Variants in PICK1 observed in about 807,000 individuals in gnomAD.
PICK1 encodes protein interacting with PRKCA 1, also known as PRKCA-binding protein.
A neutral mutation model predicts 48.9 loss-of-function variants in PICK1; 23 were observed. The observed-to-expected ratio is 0.47, with a 90% CI of 0.34 to 0.67. The LOEUF is 0.67. Ranked by LOEUF, PICK1 falls within the 30% of genes least tolerant of loss-of-function variation. The probability of loss-of-function intolerance (pLI) is 0.01; values close to 1 mark genes in which losing one functional copy is unlikely to be tolerated. For missense variants in PICK1, 423 were observed against 557.1 expected (o/e 0.76, Z 2.42); for synonymous variants, 217 against 228.2 (o/e 0.95, Z 0.44).
chr22:38,058,429 C>G (rs1374796595), intron 2 of PICK1, among the ~76,000 whole-genome samples: 1 of 152,018 alleles, frequency 6.6e-6, no homozygotes, highest in Non-Finnish European at 1.5e-5. Context: ...GGTAATCGAG[C>G]AGTTGAGAGG....
In PICK1 at chr22:38,075,105, C is replaced by G; in HGVS notation, c.1221C>G (p.Asp407Glu). The G allele has an allele frequency of 6.2e-7, 1 of 1,612,250 alleles. No homozygotes were observed. Among genetic ancestry groups the G allele is most frequent in the East Asian group, 2.2e-5 (1 of 44,828 alleles). ...RDTRGAAGPL[D>E]KGGSWCDS The stretch of plus-strand genomic sequence containing the variant: ...CACGAGGGGCTGCTGGGCCCTTGGA[C>G]AAGGGTGGAAGCTGGTGTGACTCCT... The change falls in exon 13 of 13, where the codon GAC becomes GAG. Residue 407 changes from aspartate (D) to glutamate (E), a missense_variant. By Grantham distance (45) the Asp-to-Glu change is conservative. Transcript: ENST00000356976.
At chr22:38,068,940 T>C in intron 5 of PICK1, 93 bp from the exon 6 acceptor site, 1 of 1,031,086 alleles carries the variant, frequency 9.7e-7, no homozygotes, top group Non-Finnish European at 1.5e-6. Flanking sequence ...TTCTGCCCCC[T>C]GTGGGGTGCT....
chr22:38,066,615 G>T lies in PICK1; in HGVS notation c.283-1089G>T, dbSNP rs372441076. ...CGACTCCCACTGCAGCCCGCTTGCC[G>T]TTGGCCTACAGCTGCTCCCTGTGGG... is the stretch of plus-strand genomic sequence containing the variant. On this transcript the variant is annotated intron_variant, in intron 4 of 12. Transcript: ENST00000356976. This position sits in a 1 kb window ranked among gnomAD's most constrained non-coding sequence, Gnocchi z 4.1. Among the ~76,000 whole-genome samples the T allele has an allele frequency of 1.8e-4, 27 of 152,334 alleles. No homozygotes were observed. Among genetic ancestry groups the T allele is most frequent in the South Asian group, 6.2e-4 (3 of 4,830 alleles).
Position 38,074,419 on chromosome 22 carries a change from T to G in PICK1, c.947T>G (p.Leu316Arg), listed in dbSNP as rs767542796. 1 of 1,613,136 alleles carries G rather than the reference T, an allele frequency of 6.2e-7. No homozygotes were observed. The highest frequency in any genetic ancestry group is 1.3e-5 in the African/African-American group (1 of 75,020). Reference sequence around the variant, plus strand: ...TTCTCCCAGATGCGCAAGGATGTGCTGGAGAAGATGGAGCTGCTGGACCAG... The same window carrying G: ...TTCTCCCAGATGCGCAAGGATGTGCGGGAGAAGATGGAGCTGCTGGACCAG... ...ARFSQMRKDV[L>R]EKMELLDQKH... The change falls in exon 12 of 13, where the codon CTG becomes CGG. Residue 316 changes from leucine (L) to arginine (R), a missense_variant. Physicochemically the swap from Leu to Arg is moderately radical, Grantham distance 102 (BLOSUM62 -2). Transcript: ENST00000356976. This position sits in a 1 kb window ranked among gnomAD's most constrained non-coding sequence, Gnocchi z 4.5.
intron 3 of PICK1, among the ~76,000 whole-genome samples, chr22:38,063,025 G>A (rs1474993906): frequency 6.6e-6 from 1 of 152,138 alleles, no homozygotes; most frequent in South Asian, 2.1e-4. Context: ...TTTGTTTATT[G>A]TGCCAGATCC....
In PICK1 at chr22:38,073,651, C is replaced by G. The variant is rs951342778; in HGVS notation, c.784-122C>G. 4 of 915,424 alleles carry G rather than the reference C, an allele frequency of 4.4e-6. No individual in the cohort carries two copies. Among genetic ancestry groups the G allele is most frequent in the African/African-American group, 1.6e-5 (1 of 61,672 alleles). The allele number at this position is 915,424 out of a possible 1,614,324, so 56.7% of individuals were successfully genotyped here. On this transcript the variant is annotated intron_variant, in intron 10 of 12. Transcript: ENST00000356976. The surrounding 1 kb of genome is among the most constrained non-coding windows in gnomAD (Gnocchi z 5.7). The stretch of plus-strand genomic sequence containing the variant: ...TCATCCCTCAGCACCTGCCGCTGCC[C>G]GCTCTGGGACTCCCTGAACACCTGC...
intron 3 of PICK1, among the ~76,000 whole-genome samples, chr22:38,059,856 A>G (rs1324353550): frequency 6.6e-6 from 1 of 152,228 alleles, no homozygotes; most frequent in Non-Finnish European, 1.5e-5. Flanking sequence ...TAAAACATGT[A>G]GACACAATCA....
chr22:38,072,981 TCCAC>T lies in PICK1; in HGVS notation c.691-12_691-9del. 2 of 1,573,392 alleles carry T rather than the reference TCCAC, an allele frequency of 1.3e-6. No homozygotes were observed. The highest frequency in any genetic ancestry group is 1.7e-6 in the Non-Finnish European group (2 of 1,143,142). ...CACCCCTGCCGTGACAGCCTCAGCATCCACCCACCCTCTTCCAGATGCTGACGGA... is the reference window on the plus strand; with the variant it reads ...CACCCCTGCCGTGACAGCCTCAGCATCCACCCTCTTCCAGATGCTGACGGA... On this transcript the variant is annotated splice_polypyrimidine_tract_variant and intron_variant, in intron 9 of 12. Transcript: ENST00000356976.
intron 6 of PICK1, among the ~76,000 whole-genome samples, chr22:38,069,362 T>C (rs556131700): frequency 9.9e-5 from 15 of 152,096 alleles, no homozygotes; most frequent in African/African-American, 3.4e-4. Flanking sequence ...GATGGGAAAA[T>C]AGACTTAGTG....
At chr22:38,064,916 C>G in intron 3 of PICK1, 86 bp from the exon 4 acceptor site, 1 of 1,505,730 alleles carries the variant, frequency 6.6e-7, no homozygotes. Flanking sequence ...GAGTGGAAGA[C>G]AGAGCCAGGC....
upstream of PICK1, chr22:38,057,271 T>G (rs1347649446): frequency 5.6e-6 from 1 of 177,366 alleles, no homozygotes; most frequent in Non-Finnish European, 1.2e-5. Flanking sequence ...ACAGCGAGCT[T>G]CCGCCAATAC....
Position 38,073,223 on chromosome 22 carries a change from A to C in PICK1, c.783+131A>C, listed in dbSNP as rs2085746283. On this transcript the variant is annotated intron_variant, in intron 10 of 12. Transcript: ENST00000356976. This position sits in a 1 kb window ranked among gnomAD's most constrained non-coding sequence, Gnocchi z 5.7. ...GCATGTCTGCTCCAGGTGTGGGCCC[A>C]GAGGCCCAGGGAGGTGCAGCCAAAG... 5.5e-6 allele frequency: 4 copies of C among 732,386 alleles called. No homozygotes were observed. Among genetic ancestry groups the C allele is most frequent in the Non-Finnish European group, 9.9e-6 (4 of 402,996 alleles). 45.4% of individuals were successfully genotyped at this position (732,386 alleles called of 1,614,324 possible).
In PICK1 at chr22:38,075,459, G is replaced by C. The variant is rs531903730; in HGVS notation, c.*327G>C. 1 of 318,996 alleles carries C rather than the reference G, an allele frequency of 3.1e-6. No individual in the cohort carries two copies. The highest frequency in any genetic ancestry group is 5.6e-5 in the South Asian group (1 of 17,766). The allele number at this position is 318,996 out of a possible 1,614,324, so 19.8% of individuals were successfully genotyped here. The stretch of plus-strand genomic sequence containing the variant: ...AAGGACTTGGAGGTGGCAGGAGTCC[G>C]AGCCCTGCTCCTTGTGGGCGCTCAC... On this transcript the variant is annotated 3_prime_UTR_variant, in exon 13 of 13. Transcript: ENST00000356976.
At chr22:38,058,056 G>A in intron 2 of PICK1, 1 of 632,404 alleles carries the variant, frequency 1.6e-6, no homozygotes, top group South Asian at 1.8e-5. Context: ...AGTGCCATAA[G>A]GGCACTATTA....
intron 2 of PICK1, 112 bp from the exon 3 acceptor site, chr22:38,059,122 A>C: frequency 1.3e-6 from 1 of 748,994 alleles, no homozygotes; most frequent in Non-Finnish European, 2.4e-6. Context: ...TGTCCAAGGG[A>C]GGGAGAGAAA....
Position 38,073,395 on chromosome 22 carries a change from C to T in PICK1, c.783+303C>T, listed in dbSNP as rs140686837. On this transcript the variant is annotated intron_variant, in intron 10 of 12. Transcript: ENST00000356976. This position sits in a 1 kb window ranked among gnomAD's most constrained non-coding sequence, Gnocchi z 5.7. ...CATAAAATGGGTGTCAGTGAACGTT[C>T]GTGAGTTTTACATTTAATTATTCTA... Among the ~76,000 whole-genome samples the T allele has an allele frequency of 3.5e-3, 539 of 152,286 alleles. 2 individuals carry two copies. The highest frequency in any genetic ancestry group is 0.012 in the African/African-American group (516 of 41,562).
Position 38,071,669 on chromosome 22 carries a change from G to T in PICK1, c.494-13G>T, listed in dbSNP as rs1951591792. ...ATGCGTCCCCATTCCGCATCACTCGGTCTCTCCCACAGGGATGACGGAACA... is the reference window on the plus strand; with the variant it reads ...ATGCGTCCCCATTCCGCATCACTCGTTCTCTCCCACAGGGATGACGGAACA... On this transcript the variant is annotated splice_polypyrimidine_tract_variant and intron_variant, in intron 7 of 12. Transcript: ENST00000356976. The T allele has an allele frequency of 1.9e-6, 3 of 1,612,666 alleles. No homozygotes were observed. The highest frequency in any genetic ancestry group is 1.1e-5 in the South Asian group (1 of 91,082).
chr22:38,057,849 C>T lies in PICK1; in HGVS notation c.40C>T (p.Leu14Phe), dbSNP rs777592756. 49 of 1,613,088 alleles carry T rather than the reference C, an allele frequency of 3.0e-5. No homozygotes were observed. Among genetic ancestry groups the T allele is most frequent in the Admixed American group, 5.0e-5 (3 of 60,002 alleles). ...DLDYDIEEDK[L>F]GIPTVPGKVT... Reference sequence around the variant, plus strand: ...GGATTATGACATCGAAGAGGATAAACTGTGAGTATTTTATTCCCCCAAGTT... The same window carrying T: ...GGATTATGACATCGAAGAGGATAAATTGTGAGTATTTTATTCCCCCAAGTT... The change falls in exon 2 of 13, where the codon CTC becomes TTC. Residue 14 changes from leucine to phenylalanine, a missense_variant and splice_region_variant. Transcript: ENST00000356976.
intron 4 of PICK1, 126 bp from the exon 5 acceptor site, chr22:38,067,578 G>A (rs1176802399): frequency 1.3e-6 from 1 of 784,708 alleles, no homozygotes; most frequent in Non-Finnish European, 2.3e-6. Flanking sequence ...CAAATTGTTG[G>A]GATTACAGGT....
Sources: gnomAD v4.1 joint callset for allele counts (sites outside exome capture counted in the v4.1 genomes callset) on GRCh38, gnomAD v4.1.1 for gene constraint, Gnocchi (gnomAD v3.1) non-coding constraint, MANE v1.5 for transcripts, NCBI Gene and HGNC (gene_info 2026-07-23, HGNC 2026-07-21) for gene names.